Variants in WIPF1 observed in about 807,000 individuals in gnomAD.
WIPF1 encodes WAS/WASL interacting protein family member 1.
In WIPF1, 13 loss-of-function variants were observed where a neutral mutation model predicts 35.4. The ratio of observed to expected loss-of-function variants is 0.37; its 90% confidence interval spans 0.24 to 0.58. WIPF1 has a LOEUF of 0.58. Ranked by LOEUF, WIPF1 falls within the 20% of genes least tolerant of loss-of-function variation. WIPF1 has a pLI of 0.74. For synonymous variants in WIPF1, 267 were observed against 266.3 expected (o/e 1.00, Z -0.02); for missense variants, 591 against 667.0 (o/e 0.89, Z 1.25).
At chr2:174,620,846 G>T (rs1686652459) in intron 1 of WIPF1, among the ~76,000 whole-genome samples, 1 of 152,200 alleles carries the variant, frequency 6.6e-6, no homozygotes. Flanking sequence ...CTTGAAAGCA[G>T]GGGAAGAAGT....
rs745411551 is a variant in WIPF1, at chr2:174,572,138, G to C, written c.667C>G (p.Pro223Ala). Residue 223 changes from proline (P) to alanine (A), a missense_variant, in exon 5 of 8, where the codon CCT (proline) becomes GCT (alanine). Coordinates refer to ENST00000679041, the MANE Select transcript of WIPF1 (RefSeq NM_001375834.1). ...CCCAAAGCAGTGCCGCGGTTTCCAG[G>C]GAAAGGGGGAGGAGTGGGCCCGGGG... is the stretch of plus-strand genomic sequence containing the variant. ...PSPGPTPPPFPGNRGTALGGG... is the reference protein window; with the variant it reads ...PSPGPTPPPFAGNRGTALGGG... 1.2e-6 allele frequency: 2 copies of C among 1,611,868 alleles called. No individual in the cohort carries two copies. Among genetic ancestry groups the C allele is most frequent in the Middle Eastern group, 1.7e-4 (1 of 6,024 alleles).
At chr2:174,680,095 C>A (rs1181953472) in intron 1 of WIPF1, among the ~76,000 whole-genome samples, 1 of 152,176 alleles carries the variant, frequency 6.6e-6, no homozygotes, top group African/African-American at 2.4e-5. Context: ...TGGTCTGTAC[C>A]TTTTTTACCT....
At chr2:174,669,598 A>G (rs1214159107) in intron 1 of WIPF1, among the ~76,000 whole-genome samples, 1 of 152,258 alleles carries the variant, frequency 6.6e-6, no homozygotes, top group Non-Finnish European at 1.5e-5. Flanking sequence ...ATTAACTGTC[A>G]GAGCTGGGCG....
intron 1 of WIPF1, among the ~76,000 whole-genome samples, chr2:174,634,366 CGT>C (rs1031199642): frequency 1.4e-4 from 22 of 152,332 alleles, no homozygotes; most frequent in African/African-American, 5.3e-4. Flanking sequence ...CCTCTAACAA[CGT>C]GCAGTTAACA....
At chr2:174,606,722 T>G (rs1269334045) in intron 1 of WIPF1, among the ~76,000 whole-genome samples, 1 of 152,210 alleles carries the variant, frequency 6.6e-6, no homozygotes, top group African/African-American at 2.4e-5. Context: ...TTGTGGCCAG[T>G]AGAAGAGCTA....
chr2:174,579,218 T>C (rs1685160060), intron 3 of WIPF1, among the ~76,000 whole-genome samples: 1 of 152,178 alleles, frequency 6.6e-6, no homozygotes, highest in African/African-American at 2.4e-5. Flanking sequence ...GGTTTCTCCA[T>C]GCCTCAGGTG....
chr2:174,614,158 A>G (rs1686436581), intron 1 of WIPF1, among the ~76,000 whole-genome samples: 4 of 152,244 alleles, frequency 2.6e-5, no homozygotes, highest in Admixed American at 2.0e-4. Flanking sequence ...ACGGGGATTA[A>G]TAAGTTGGTT....
intron 1 of WIPF1, among the ~76,000 whole-genome samples, chr2:174,633,628 A>T (rs1687094587): frequency 6.6e-6 from 1 of 152,240 alleles, no homozygotes; most frequent in Admixed American, 6.5e-5. Flanking sequence ...GCCACTGCGT[A>T]ATTAAACTGT....
chr2:174,664,774 A>T (rs1455752601), intron 1 of WIPF1, among the ~76,000 whole-genome samples: 1 of 151,728 alleles, frequency 6.6e-6, no homozygotes, highest in African/African-American at 2.4e-5. Context: ...CATAACCTGA[A>T]CTCTTCTGGG....
intron 1 of WIPF1, among the ~76,000 whole-genome samples, chr2:174,679,723 T>C (rs1282421906): frequency 6.6e-6 from 1 of 152,234 alleles, no homozygotes; most frequent in Non-Finnish European, 1.5e-5. Context: ...CTCAACTAAC[T>C]GAAGATATTC....
chr2:174,575,547 T>C (rs898212438), intron 3 of WIPF1, 167 bp from the exon 4 acceptor site: 2 of 1,242,730 alleles, frequency 1.6e-6, no homozygotes, highest in African/African-American at 3.1e-5. Flanking sequence ...CAGTCAGAAC[T>C]GCCCGCTCCA....
At chr2:174,575,078 G>T (rs1685002281) in intron 4 of WIPF1, 126 bp downstream of exon 4, 1 of 1,046,026 alleles carries the variant, frequency 9.6e-7, no homozygotes, top group Non-Finnish European at 1.4e-6. Context: ...ATAAAACAGT[G>T]GTAATATTTA....
intron 1 of WIPF1, among the ~76,000 whole-genome samples, chr2:174,589,261 T>C (rs573304147): frequency 6.6e-6 from 1 of 152,302 alleles, no homozygotes; most frequent in South Asian, 2.1e-4. Context: ...TAAATATATA[T>C]GCAGTGAAAG....
At chr2:174,656,874 T>C (rs1687650825) in intron 1 of WIPF1, among the ~76,000 whole-genome samples, 2 of 152,248 alleles carry the variant, frequency 1.3e-5, no homozygotes, top group African/African-American at 4.8e-5. Flanking sequence ...TTAATTTTTA[T>C]ACAGACAGTT....
Position 174,584,830 on chromosome 2 carries a change from T to G in WIPF1, c.51+693A>C, listed in dbSNP as rs188167743. Among the ~76,000 whole-genome samples, 179 of 151,632 alleles carry G rather than the reference T, an allele frequency of 1.2e-3. 5 individuals carry two copies. Among genetic ancestry groups the G allele is most frequent in the African/African-American group, 4.0e-3 (164 of 41,250 alleles). ...GGGAGGCTGAGGCAGGAGAATCACT[T>G]GAACGGGAGGTGGAAGTTGCGGTGA... is the stretch of plus-strand genomic sequence containing the variant. On this transcript the variant is annotated intron_variant, in intron 2 of 7. Transcript: ENST00000679041.
chr2:174,578,096 T>C (rs1455699812), intron 3 of WIPF1, among the ~76,000 whole-genome samples: 1 of 152,138 alleles, frequency 6.6e-6, no homozygotes, highest in African/African-American at 2.4e-5. Flanking sequence ...TGGGTGGCTG[T>C]CCTGTCCTGT....
chr2:174,567,932 C>G lies in WIPF1; in HGVS notation c.1271G>C (p.Ser424Thr), dbSNP rs1318334943. Residue 424 changes from serine to threonine, a missense_variant, in exon 6 of 8, where the codon AGT becomes ACT. Coordinates refer to ENST00000679041, the MANE Select transcript of WIPF1 (RefSeq NM_001375834.1). The part of the protein sequence containing the change: ...PRPPLPPDRP[S>T]AGAPPPPPPS... Reference sequence around the variant, plus strand: ...TGGAGGTGGGGGAGGTGCCCCAGCACTGGGCCTATCAGGAGGAAGGGGAGG... The same window carrying G: ...TGGAGGTGGGGGAGGTGCCCCAGCAGTGGGCCTATCAGGAGGAAGGGGAGG... 1.9e-5 allele frequency: 31 copies of G among 1,613,982 alleles called. No individual in the cohort carries two copies. Among genetic ancestry groups the G allele is most frequent in the Non-Finnish European group, 2.6e-5 (31 of 1,179,932 alleles).
intron 1 of WIPF1, among the ~76,000 whole-genome samples, chr2:174,614,132 T>C (rs897940302): frequency 6.6e-6 from 1 of 152,212 alleles, no homozygotes; most frequent in African/African-American, 2.4e-5. Context: ...ACACAGTTGC[T>C]CCTAAAAGTT....
At position 174,648,136 on chromosome 2, in the gene WIPF1, CA is replaced by C. The variant is rs376484153; in HGVS notation, c.-39+34637del. On this transcript the variant is annotated intron_variant, in intron 1 of 8. Coordinates refer to the WIPF1 transcript ENST00000272746. ...TGATTCTGTGAAGGAAGCAGACTTA[CA>C]AAACAGAAACATCTCTCGAGATTTT... Among the ~76,000 whole-genome samples the C allele has an allele frequency of 2.3e-4, 35 of 152,274 alleles. No homozygotes were observed. In the South Asian group the frequency reaches 7.3e-3, roughly 32 times the overall value.
Sources: gnomAD v4.1 joint callset for allele counts (sites outside exome capture counted in the v4.1 genomes callset) on GRCh38, gnomAD v4.1.1 for gene constraint, MANE v1.5 for transcripts, NCBI Gene and HGNC (gene_info 2026-07-23, HGNC 2026-07-21) for gene names.